The following THBS2 variants were observed in gnomAD, a reference collection of about 807,000 sequenced individuals.
The protein encoded by THBS2 is thrombospondin-2.
In THBS2, 47 loss-of-function variants were observed where a neutral mutation model predicts 135.2. The ratio of observed to expected loss-of-function variants is 0.35; its 90% CI spans 0.28 to 0.44. The LOEUF (loss-of-function observed/expected upper bound fraction) is 0.44. Ranked by LOEUF, THBS2 falls within the 20% of genes least tolerant of loss-of-function variation. THBS2 has a pLI of 1.00. For missense variants in THBS2, 1,288 were observed against 1,603.1 expected (o/e 0.80, Z 3.36); for synonymous variants, 639 against 633.8 (o/e 1.01, Z -0.12).
At chr6:169,240,162 A>G (rs4076564) in intron 6 of THBS2, among the ~76,000 whole-genome samples, 20,674 of 152,152 alleles carry the variant, frequency 0.14, 2,696 homozygotes, top group African/African-American at 0.34. Flanking sequence ...TTAAATGCAG[A>G]GTCTAGGGCC....
At chr6:169,250,881 G>T in intron 1 of THBS2, 75 bp from the exon 2 acceptor site, 2 of 932,030 alleles carry the variant, frequency 2.1e-6, no homozygotes, top group Admixed American at 2.5e-5. Context: ...CTGGCCCAGT[G>T]ACTCACATGA....
chr6:169,231,954 T>C, intron 13 of THBS2, 26 bp downstream of exon 13: 1 of 1,610,948 alleles, frequency 6.2e-7, no homozygotes, highest in Non-Finnish European at 8.5e-7. Context: ...CGTGGCCCCG[T>C]GTGCCCTGCG....
intron 4 of THBS2, among the ~76,000 whole-genome samples, chr6:169,245,505 C>T (rs553017160): frequency 3.9e-5 from 6 of 152,124 alleles, no homozygotes; most frequent in East Asian, 3.9e-4. Context: ...TATAAGAAAA[C>T]TTCTAGGCCG....
At position 169,248,766 on chromosome 6, in the gene THBS2, G is replaced by A. The variant is rs757929890; in HGVS notation, c.260C>T (p.Thr87Met). Residue 87 changes from threonine to methionine, a missense_variant, in exon 3 of 22, where the codon ACG becomes ATG. Physicochemically the swap from Thr to Met is moderately conservative, Grantham distance 81 (BLOSUM62 -1). Around this residue, in one of 2 missense-constraint regions of THBS2, gnomAD observed 414 missense variants for 447.0 expected, o/e 0.93. Transcript: ENST00000617924. ...CTTGCCGTCCTGCTTGAGCTGGGCCGTGAGGAAGAAGCCCTCCTTCTGCCG... is the reference window on the plus strand; with the variant it reads ...CTTGCCGTCCTGCTTGAGCTGGGCCATGAGGAAGAAGCCCTCCTTCTGCCG... ...IMRQKEGFFLTAQLKQDGKSR... is the reference protein window; with the variant it reads ...IMRQKEGFFLMAQLKQDGKSR... The A allele has an allele frequency of 4.3e-6, 7 of 1,612,456 alleles. No individual in the cohort carries two copies. The highest frequency in any genetic ancestry group is 1.7e-5 in the Admixed American group (1 of 59,996).
intron 17 of THBS2, among the ~76,000 whole-genome samples, chr6:169,224,539 C>T (rs1761594738): frequency 6.6e-6 from 1 of 152,230 alleles, no homozygotes; most frequent in Admixed American, 6.5e-5. Flanking sequence ...CCTGTGTCAG[C>T]CAGGCCCCAC....
At chr6:169,244,216 G>A (rs1010236945) in intron 4 of THBS2, among the ~76,000 whole-genome samples, 4 of 133,092 alleles carry the variant, frequency 3.0e-5, no homozygotes, top group African/African-American at 1.1e-4. Flanking sequence ...AAGTTTTAAA[G>A]GTTTGCTTTT....
rs575281902 is a variant in THBS2 at position 169,222,217 on chromosome 6, T to G, written c.3253A>C (p.Thr1085Pro). Residue 1085 changes from threonine (T) to proline (P), a missense_variant, in exon 19 of 22, where the codon ACG becomes CCG. Around this residue, in one of 2 missense-constraint regions of THBS2, gnomAD observed 874 missense variants for 1,156.1 expected, o/e 0.76. Transcript: ENST00000617924. ...GEHLRNALWHTGNTPGQVRTL... is the reference protein window; with the variant it reads ...GEHLRNALWHPGNTPGQVRTL... The stretch of plus-strand genomic sequence containing the variant: ...CTCACCTGCCCCGGCGTGTTCCCCG[T>G]GTGCCACAGCGCGTTCCTCAGGTGC... 1 of 1,609,944 alleles carries G rather than the reference T, an allele frequency of 6.2e-7. No homozygotes were observed. Among genetic ancestry groups the G allele is most frequent in the Non-Finnish European group, 8.5e-7 (1 of 1,178,240 alleles).
At chr6:169,220,423 C>T (rs1366506295) in intron 20 of THBS2, 86 bp from the exon 21 acceptor site, 23 of 1,505,052 alleles carry the variant, frequency 1.5e-5, no homozygotes, top group Middle Eastern at 1.8e-4. Flanking sequence ...AGGTTGGCTC[C>T]GGACACAAGC....
chr6:169,240,744 GTCC>G (rs1379127278), intron 5 of THBS2, 152 bp from the exon 6 acceptor site: 2 of 1,045,366 alleles, frequency 1.9e-6, no homozygotes, highest in Non-Finnish European at 2.7e-6. Flanking sequence ...TCCGGAAGTT[GTCC>G]TCCATCCTCA....
Position 169,241,249 on chromosome 6 carries a change from G to A in THBS2, c.891+513C>T, listed in dbSNP as rs147169764. Among the ~76,000 whole-genome samples the A allele has an allele frequency of 4.4e-4, 67 of 152,246 alleles. No individual in the cohort carries two copies. The highest frequency in any genetic ancestry group is 1.4e-3 in the African/African-American group (57 of 41,554). On this transcript the variant is annotated intron_variant, in intron 5 of 21. Transcript: ENST00000617924. The surrounding 1 kb of genome is among the most constrained non-coding windows in gnomAD (Gnocchi z 5.5). ...CCTTTCTCTAAACTGCGAGCTGCCCGTCCTGAGCCCCGCAGGCATCGCTCT... is the reference window on the plus strand; with the variant it reads ...CCTTTCTCTAAACTGCGAGCTGCCCATCCTGAGCCCCGCAGGCATCGCTCT...
intron 7 of THBS2, 56 bp from the exon 8 acceptor site, chr6:169,237,851 G>C: frequency 6.4e-7 from 1 of 1,566,202 alleles, no homozygotes; most frequent in Non-Finnish European, 8.6e-7. Flanking sequence ...ACGTGCCACA[G>C]AACAGAACGG....
At chr6:169,219,295 G>A (rs1779327733) in intron 21 of THBS2, among the ~76,000 whole-genome samples, 1 of 130,014 alleles carries the variant, frequency 7.7e-6, no homozygotes, top group Non-Finnish European at 1.6e-5. Flanking sequence ...AGATAGTTGG[G>A]TGGATGGGTG....
rs1779852047 is a variant in THBS2 at position 169,231,960 on chromosome 6, C to T, written c.2151+20G>A. On this transcript the variant is annotated intron_variant, in intron 13 of 21. Transcript: ENST00000617924. Reference sequence around the variant, plus strand: ...GCTGACCGCCGTGGCCCCGTGTGCCCTGCGAGCCCCGCGCCTCACCTTGAT... The same window carrying T: ...GCTGACCGCCGTGGCCCCGTGTGCCTTGCGAGCCCCGCGCCTCACCTTGAT... 1 of 1,612,052 alleles carries T rather than the reference C, an allele frequency of 6.2e-7. No homozygotes were observed. The highest frequency in any genetic ancestry group is 8.5e-7 in the Non-Finnish European group (1 of 1,179,374).
At chr6:169,236,619 A>G (rs1780094216) in intron 9 of THBS2, among the ~76,000 whole-genome samples, 1 of 82,964 alleles carries the variant, frequency 1.2e-5, no homozygotes, top group Admixed American at 1.4e-4. Context: ...CACACTCGCC[A>G]TCCACACTCA....
intron 15 of THBS2, among the ~76,000 whole-genome samples, chr6:169,227,304 C>G (rs890608998): frequency 6.6e-6 from 1 of 152,132 alleles, no homozygotes; most frequent in Non-Finnish European, 1.5e-5. Flanking sequence ...CGCCTGGTCT[C>G]CAGGCACCCC....
chr6:169,249,091 C>T, intron 2 of THBS2, 118 bp from the exon 3 acceptor site: 1 of 948,652 alleles, frequency 1.1e-6, no homozygotes, highest in South Asian at 1.8e-5. Context: ...CTCCCAATAT[C>T]CCGCAGCTTC....
Position 169,223,271 on chromosome 6 carries a change from T to C in THBS2, c.2978A>G (p.Asn993Ser). 1 of 1,613,736 alleles carries C rather than the reference T, an allele frequency of 6.2e-7. No individual in the cohort carries two copies. The highest frequency in any genetic ancestry group is 8.5e-7 in the Non-Finnish European group (1 of 1,179,740). Residue 993 changes from asparagine to serine, a missense_variant, in exon 18 of 22, where the codon AAC becomes AGC. Coordinates refer to ENST00000617924, the MANE Select transcript of THBS2 (RefSeq NM_003247.5). ...ACCTACAGCGATGCCGGGGTCCGAG[T>C]TGGCTGTCTGAACCAGCTCCTTGCC... is the stretch of plus-strand genomic sequence containing the variant. Reference protein sequence around the residue: ...HQGKELVQTANSDPGIAVGFD... With the variant: ...HQGKELVQTASSDPGIAVGFD...
intron 10 of THBS2, among the ~76,000 whole-genome samples, chr6:169,233,259 A>G (rs1226124950): frequency 6.6e-6 from 1 of 152,068 alleles, no homozygotes; most frequent in Non-Finnish European, 1.5e-5. Flanking sequence ...GCCACGGGCC[A>G]CACCACACAA....
chr6:169,231,638 C>T (rs1779836753), intron 13 of THBS2, among the ~76,000 whole-genome samples: 1 of 152,246 alleles, frequency 6.6e-6, no homozygotes, highest in Non-Finnish European at 1.5e-5. Context: ...CTGCCTGAGA[C>T]ACAATGGCCT....
Sources: allele counts gnomAD v4.1 joint callset (sites outside exome capture counted in the v4.1 genomes callset), GRCh38; gene constraint gnomAD v4.1.1; regional missense constraint gnomAD v4.1.1; non-coding constraint Gnocchi (gnomAD v3.1); transcripts MANE v1.5; gene names NCBI Gene and HGNC (gene_info 2026-07-23, HGNC 2026-07-21).